DACH1: variants seen among roughly 807,000 people sequenced by gnomAD.
DACH1 encodes the protein dachshund family transcription factor 1, also known as dachshund homolog 1.
In DACH1, 12 loss-of-function variants were observed where a neutral mutation model predicts 54.2. The observed-to-expected ratio is 0.22, with a 90% CI of 0.14 to 0.36. The LOEUF (loss-of-function observed/expected upper bound fraction) is 0.36. Among genes scored for constraint, DACH1 ranks in the 10% least tolerant of loss-of-function variants. The pLI is 1.00. For missense variants in DACH1, 805 were observed against 929.8 expected, an observed-to-expected ratio of 0.87 and a Z score of 1.75; for synonymous variants, 386 against 366.2, an observed-to-expected ratio of 1.05 and a Z score of -0.62.
chr13:71,451,119 T>C (rs886304094), intron 10 of DACH1, among the ~76,000 whole-genome samples: 21 of 152,162 alleles, frequency 1.4e-4, no homozygotes, highest in Admixed American at 6.5e-5. Flanking sequence ...GGCAATTATA[T>C]GATTAATGTT....
chr13:71,838,170 G>A (rs910942518), intron 1 of DACH1, among the ~76,000 whole-genome samples: 10 of 152,176 alleles, frequency 6.6e-5, no homozygotes, highest in East Asian at 1.9e-4. Flanking sequence ...TGGTAGACTC[G>A]ATTCCTATTG....
chr13:71,680,057 A>G (rs2138698470), intron 2 of DACH1, among the ~76,000 whole-genome samples: 1 of 152,272 alleles, frequency 6.6e-6, no homozygotes, highest in African/African-American at 2.4e-5. Context: ...TTTATCATTC[A>G]GTTAAACATA....
intron 3 of DACH1, among the ~76,000 whole-genome samples, chr13:71,593,223 A>C (rs1407193366): frequency 3.3e-5 from 5 of 152,148 alleles, no homozygotes; most frequent in Non-Finnish European, 7.4e-5. Context: ...AAGATGGTAT[A>C]AATGTTCAAA....
At chr13:71,637,655 T>C (rs1877582538) in intron 2 of DACH1, among the ~76,000 whole-genome samples, 2 of 152,194 alleles carry the variant, frequency 1.3e-5, no homozygotes, top group Admixed American at 1.3e-4. Flanking sequence ...TTTTACTAGT[T>C]AGAATATTCT....
chr13:71,744,240 T>A (rs1055475708), intron 1 of DACH1, among the ~76,000 whole-genome samples: 8 of 152,204 alleles, frequency 5.3e-5, no homozygotes, highest in African/African-American at 1.9e-4. Flanking sequence ...AATTCAGCAA[T>A]GAAGCAGAAA....
chr13:71,529,768 A>G (rs1882290177), intron 6 of DACH1, among the ~76,000 whole-genome samples: 1 of 152,194 alleles, frequency 6.6e-6, no homozygotes, highest in Non-Finnish European at 1.5e-5. Flanking sequence ...AGTTTCAAAC[A>G]ACCTCCATGT....
chr13:71,825,775 G>C (rs1451142818), intron 1 of DACH1, among the ~76,000 whole-genome samples: 2 of 152,028 alleles, frequency 1.3e-5, no homozygotes, highest in Non-Finnish European at 2.9e-5. Context: ...TGTGTACCAG[G>C]TTTTAGGTAG....
At chr13:71,593,030 G>A (rs1197503845) in intron 3 of DACH1, among the ~76,000 whole-genome samples, 1 of 152,118 alleles carries the variant, frequency 6.6e-6, no homozygotes, top group Non-Finnish European at 1.5e-5. Context: ...GAGAATAAAA[G>A]TAGTGCATAA....
At chr13:71,606,973 C>G (rs1874926254) in intron 3 of DACH1, among the ~76,000 whole-genome samples, 1 of 151,930 alleles carries the variant, frequency 6.6e-6, no homozygotes, top group Non-Finnish European at 1.5e-5. Flanking sequence ...AAGCCTCTGG[C>G]AGGTGGCAAA....
intron 2 of DACH1, among the ~76,000 whole-genome samples, chr13:71,639,083 T>C (rs114513222): frequency 3.2e-3 from 486 of 152,288 alleles, no homozygotes; most frequent in African/African-American, 0.011. Context: ...TTAGAAGAAC[T>C]CTTGGCTCAA....
At chr13:71,654,621 AC>A (rs1422089907) in intron 2 of DACH1, among the ~76,000 whole-genome samples, 1 of 151,980 alleles carries the variant, frequency 6.6e-6, no homozygotes, top group Non-Finnish European at 1.5e-5. Flanking sequence ...AAACTGAAAA[AC>A]TGACCCACAT....
In DACH1 at chr13:71,646,306, C is replaced by T. The variant is rs180728301; in HGVS notation, c.965-15589G>A. ...GAGCCGAGACTGCGCCATTGCACTC[C>T]AGCCTGGGCAACCAGAGCAAAACTC... On this transcript the variant is annotated intron_variant, in intron 2 of 10. Transcript: ENST00000613252. Among the ~76,000 whole-genome samples, 32 of 150,330 alleles carry T rather than the reference C, an allele frequency of 2.1e-4. No homozygotes were observed. The East Asian group carries it at 5.9e-3, about 28-fold the overall frequency.
At position 71,618,839 on chromosome 13, in the gene DACH1, T is replaced by C. The variant is rs1010322188; in HGVS notation, c.1126+11717A>G. 2.0e-5 allele frequency among the ~76,000 whole-genome samples: 3 copies of C among 151,876 alleles called. No individual in the cohort carries two copies. In the East Asian group the frequency reaches 5.8e-4, roughly 29 times the overall value. ...CCTGAATCAGGAATTTTAGAAAGTATTCTAGGGACAATGGCAGAGGATCAA... is the reference window on the plus strand; with the variant it reads ...CCTGAATCAGGAATTTTAGAAAGTACTCTAGGGACAATGGCAGAGGATCAA... On this transcript the variant is annotated intron_variant, in intron 3 of 10. Transcript: ENST00000613252.
At chr13:71,703,970 C>T (rs1882298468) in intron 1 of DACH1, among the ~76,000 whole-genome samples, 1 of 152,026 alleles carries the variant, frequency 6.6e-6, no homozygotes, top group African/African-American at 2.4e-5. Context: ...GAAGTTATTA[C>T]AATGTGAAAA....
intron 2 of DACH1, among the ~76,000 whole-genome samples, chr13:71,672,534 G>C (rs919663081): frequency 6.6e-6 from 1 of 152,068 alleles, no homozygotes; most frequent in Non-Finnish European, 1.5e-5. Context: ...CTAACCTACA[G>C]CACATCATTA....
chr13:71,845,477 G>A (rs1393299600), intron 1 of DACH1, among the ~76,000 whole-genome samples: 1 of 152,136 alleles, frequency 6.6e-6, no homozygotes, highest in Non-Finnish European at 1.5e-5. Flanking sequence ...ACTTATACAA[G>A]TGGGTCATTG....
chr13:71,770,869 T>C (rs1244006818), intron 1 of DACH1, among the ~76,000 whole-genome samples: 1 of 151,592 alleles, frequency 6.6e-6, no homozygotes, highest in Non-Finnish European at 1.5e-5. Context: ...TGATCTTTCC[T>C]TGACTACATG....
At chr13:71,632,416 ATTTTT>A (rs34080454) in intron 2 of DACH1, among the ~76,000 whole-genome samples, 1 of 124,704 alleles carries the variant, frequency 8.0e-6, no homozygotes. Context: ...AACCCCACCC[ATTTTT>A]TTTTTTTTTT....
At chr13:71,641,514 G>C (rs1372562997) in intron 2 of DACH1, among the ~76,000 whole-genome samples, 1 of 152,130 alleles carries the variant, frequency 6.6e-6, no homozygotes, top group Non-Finnish European at 1.5e-5. Flanking sequence ...CAAAGAAAAC[G>C]TGAATAGTGA....
Sources: allele counts gnomAD v4.1 joint callset (sites outside exome capture counted in the v4.1 genomes callset), GRCh38; gene constraint gnomAD v4.1.1; transcripts MANE v1.5; gene names NCBI Gene and HGNC (gene_info 2026-07-23, HGNC 2026-07-21).